The following MCTP1 variants were observed in gnomAD, a reference collection of about 807,000 sequenced individuals.
MCTP1 encodes the protein multiple C2 and transmembrane domain-containing protein 1.
A neutral mutation model predicts 120.6 loss-of-function variants in MCTP1; 69 were observed. That is an observed-to-expected ratio of 0.57 (90% CI 0.47 to 0.70). The LOEUF (loss-of-function observed/expected upper bound fraction) is 0.70, where lower values mean the gene tolerates loss of function less well. MCTP1 is among the 30% of genes least tolerant of loss of function. The pLI is 0.00. For missense variants in MCTP1, 1,203 were observed against 1,248.8 expected, an observed-to-expected ratio of 0.96 and a Z score of 0.55; for synonymous variants, 529 against 493.1, an observed-to-expected ratio of 1.07 and a Z score of -0.96.
intron 1 of MCTP1, among the ~76,000 whole-genome samples, chr5:95,055,033 A>G (rs1442458800): frequency 2.6e-5 from 4 of 152,126 alleles, no homozygotes; most frequent in African/African-American, 9.7e-5. Context: ...GCTGGTCTCA[A>G]ACTCCTGGTC....
intron 17 of MCTP1, among the ~76,000 whole-genome samples, chr5:94,817,249 A>G (rs1280978653): frequency 9.2e-5 from 14 of 152,126 alleles, no homozygotes; most frequent in Non-Finnish European, 1.5e-5. Context: ...CTAAAAATAC[A>G]AAAATTAGCT....
Position 94,870,926 on chromosome 5 carries a change from C to T in MCTP1, c.2187G>A (p.Leu729=), listed in dbSNP as rs186960588. 1.2e-4 allele frequency: 188 copies of T among 1,613,214 alleles called. No individual in the cohort carries two copies. The highest frequency in any genetic ancestry group is 1.5e-4 in the Non-Finnish European group (182 of 1,179,472). ...QKAYVLKNKQ[L]TGPTKGVIYL... is the part of the protein sequence containing the mutation. ...AGATGACCCCCTTTGTTGGCCCTGTCAGCTGCTTGTTTTTCAAGACGTAGG... is the reference window on the plus strand; with the variant it reads ...AGATGACCCCCTTTGTTGGCCCTGTTAGCTGCTTGTTTTTCAAGACGTAGG... Residue 729 remains leucine, a synonymous_variant, in exon 15 of 23, where the codon CTG becomes CTA. Coordinates refer to ENST00000515393, the MANE Select transcript of MCTP1 (RefSeq NM_024717.7).
At chr5:94,822,354 C>T (rs1785869367) in intron 17 of MCTP1, among the ~76,000 whole-genome samples, 1 of 152,156 alleles carries the variant, frequency 6.6e-6, no homozygotes, top group African/African-American at 2.4e-5. Flanking sequence ...ATGATGGTTT[C>T]CAACTTCATC....
intron 1 of MCTP1, among the ~76,000 whole-genome samples, chr5:95,047,034 A>G (rs1167825265): frequency 6.6e-6 from 1 of 152,174 alleles, no homozygotes; most frequent in Non-Finnish European, 1.5e-5. Flanking sequence ...GATCTAGAAC[A>G]ATGTCTGACA....
intron 17 of MCTP1, among the ~76,000 whole-genome samples, chr5:94,833,490 G>C (rs1299063858): frequency 1.3e-5 from 2 of 152,130 alleles, no homozygotes; most frequent in African/African-American, 4.8e-5. Context: ...TATTTGCATA[G>C]TTTTAATGAA....
intron 2 of MCTP1, among the ~76,000 whole-genome samples, chr5:94,964,377 G>A (rs1747180692): frequency 6.6e-6 from 1 of 152,152 alleles, no homozygotes; most frequent in African/African-American, 2.4e-5. Context: ...TGGGTCTAGA[G>A]TGTAGTTTAA....
In MCTP1 at chr5:94,871,369, T is replaced by C; in HGVS notation, c.2085A>G (p.Glu695=). The C allele has an allele frequency of 6.2e-7, 1 of 1,612,970 alleles. No individual in the cohort carries two copies. Among genetic ancestry groups the C allele is most frequent in the Non-Finnish European group, 8.5e-7 (1 of 1,179,212 alleles). The change falls in exon 14 of 23, where the codon GAA becomes GAG. Residue 695 remains glutamate, a synonymous_variant. Transcript: ENST00000515393. ...HSVLEVTVYD[E]DRDRSADFLG... is the part of the protein sequence containing the mutation. ...GAAAGTCAGCACTTCGATCCCGATC[T>C]TCATCATAAACTGTCACTTCAAGAA... is the stretch of plus-strand genomic sequence containing the variant.
At chr5:94,724,560 T>C (rs1761704291) in intron 19 of MCTP1, among the ~76,000 whole-genome samples, 1 of 152,088 alleles carries the variant, frequency 6.6e-6, no homozygotes, top group Non-Finnish European at 1.5e-5. Flanking sequence ...AAAACCCTTT[T>C]TAACTGTCCT....
Position 94,983,156 on chromosome 5 carries a change from A to C in MCTP1, c.839-29795T>G, listed in dbSNP as rs181062124. On this transcript the variant is annotated intron_variant, in intron 2 of 22. Transcript: ENST00000515393. ...TAGCCACGAGAAATTGAATTCTGCC[A>C]ATACCAGGAATGTGCTTGGACAGGT... Among the ~76,000 whole-genome samples the C allele has an allele frequency of 1.2e-3, 186 of 152,190 alleles. 1 individual carries two copies. The highest frequency in any genetic ancestry group is 3.9e-3 in the African/African-American group (163 of 41,554).
chr5:95,092,182 T>C (rs2152343885), intron 1 of MCTP1, among the ~76,000 whole-genome samples: 2 of 152,326 alleles, frequency 1.3e-5, no homozygotes, highest in Admixed American at 1.3e-4. Context: ...TGTTGTTGTT[T>C]TATTTTGTTT....
At chr5:95,210,433 CTTCT>C (rs1417209761) in intron 1 of MCTP1, among the ~76,000 whole-genome samples, 1 of 150,432 alleles carries the variant, frequency 6.6e-6, no homozygotes, top group African/African-American at 2.5e-5. Context: ...ATGTAGTGGC[CTTCT>C]TTGTCTCTTT....
At chr5:94,809,251 T>G (rs1312557451) in intron 17 of MCTP1, among the ~76,000 whole-genome samples, 1 of 150,604 alleles carries the variant, frequency 6.6e-6, no homozygotes, top group East Asian at 1.9e-4. Context: ...ATTTAAATGT[T>G]TTTTTTTTTC....
chr5:95,127,576 C>T (rs1002261667), intron 1 of MCTP1, among the ~76,000 whole-genome samples: 13 of 152,202 alleles, frequency 8.5e-5, no homozygotes, highest in Non-Finnish European at 1.8e-4. Flanking sequence ...AACAACCCAT[C>T]GAGTCATTAA....
chr5:95,092,050 T>C (rs1408121046), intron 1 of MCTP1, among the ~76,000 whole-genome samples: 1 of 152,212 alleles, frequency 6.6e-6, no homozygotes, highest in Non-Finnish European at 1.5e-5. Flanking sequence ...GGTCTCTTAT[T>C]ATGTAGAAGC....
chr5:95,176,450 A>T (rs1021417252), intron 1 of MCTP1, among the ~76,000 whole-genome samples: 1 of 152,150 alleles, frequency 6.6e-6, no homozygotes, highest in African/African-American at 2.4e-5. Context: ...GCTTGAATCC[A>T]GGAGGCAGAG....
At chr5:94,827,367 G>A (rs1402643312) in intron 17 of MCTP1, among the ~76,000 whole-genome samples, 2 of 152,106 alleles carry the variant, frequency 1.3e-5, no homozygotes, top group East Asian at 3.9e-4. Flanking sequence ...TACCTTTGTG[G>A]GTAACCCGAT....
intron 2 of MCTP1, among the ~76,000 whole-genome samples, chr5:94,959,677 A>C (rs1042226879): frequency 4.6e-5 from 7 of 152,218 alleles, no homozygotes; most frequent in African/African-American, 1.4e-4. Context: ...CAATTGCTAC[A>C]AAGAGAATAC....
chr5:94,739,964 G>A (rs750835172), intron 19 of MCTP1, among the ~76,000 whole-genome samples: 3 of 152,246 alleles, frequency 2.0e-5, no homozygotes, highest in South Asian at 2.1e-4. Flanking sequence ...CACTGTGCCC[G>A]GCCTGTTTAA....
intron 19 of MCTP1, among the ~76,000 whole-genome samples, chr5:94,757,664 T>G (rs75403601): frequency 6.6e-6 from 1 of 152,154 alleles, no homozygotes; most frequent in Non-Finnish European, 1.5e-5. Flanking sequence ...AGGAGTTAGG[T>G]CTCATTTCTC....
Sources: allele counts gnomAD v4.1 joint callset (sites outside exome capture counted in the v4.1 genomes callset), GRCh38; gene constraint gnomAD v4.1.1; transcripts MANE v1.5; gene names NCBI Gene and HGNC (gene_info 2026-07-23, HGNC 2026-07-21).